SORCS3: variants seen among roughly 807,000 people sequenced by gnomAD.
SORCS3 encodes the protein sortilin related VPS10 domain containing receptor 3, also known as VPS10 domain-containing receptor SorCS3.
SORCS3 carries 57 observed loss-of-function variants against 146.3 expected under a neutral mutation model. The observed-to-expected ratio is 0.39, with a 90% CI of 0.31 to 0.49. SORCS3 has a LOEUF of 0.49. Among genes scored for constraint, SORCS3 ranks in the 20% least tolerant of loss-of-function variants. The pLI is 0.92. For missense variants in SORCS3, 1,341 were observed against 1,575.5 expected, an observed-to-expected ratio of 0.85 and a Z score of 2.52; for synonymous variants, 653 against 618.5, an observed-to-expected ratio of 1.06 and a Z score of -0.83.
chr10:104,893,434 T>C (rs1181387725), intron 2 of SORCS3, among the ~76,000 whole-genome samples: 1 of 152,180 alleles, frequency 6.6e-6, no homozygotes, highest in Non-Finnish European at 1.5e-5. Flanking sequence ...CCACACTGTC[T>C]GCCTTGTCAG....
intron 1 of SORCS3, 104 bp downstream of exon 1, chr10:104,642,058 G>A: frequency 1.5e-6 from 2 of 1,323,380 alleles, no homozygotes; most frequent in Non-Finnish European, 2.0e-6. Context: ...GGTCGAGGCG[G>A]GGGACGCCTC....
At chr10:105,177,685 T>C (rs757169059) in intron 13 of SORCS3, among the ~76,000 whole-genome samples, 1 of 152,102 alleles carries the variant, frequency 6.6e-6, no homozygotes, top group Non-Finnish European at 1.5e-5. Context: ...TCCCTTTCCA[T>C]TGGGTCCACC....
intron 5 of SORCS3, among the ~76,000 whole-genome samples, chr10:105,063,212 T>G (rs1401654692): frequency 6.6e-6 from 1 of 152,224 alleles, no homozygotes; most frequent in African/African-American, 2.4e-5. Flanking sequence ...GTATAATGAC[T>G]AAGAATCCTT....
intron 1 of SORCS3, among the ~76,000 whole-genome samples, chr10:104,820,927 G>A (rs1270766274): frequency 6.6e-6 from 1 of 152,154 alleles, no homozygotes; most frequent in African/African-American, 2.4e-5. Flanking sequence ...TTAAATGGTG[G>A]GAGAAGTATT....
chr10:104,649,244 G>A (rs2015531190), intron 1 of SORCS3, among the ~76,000 whole-genome samples: 3 of 152,158 alleles, frequency 2.0e-5, no homozygotes, highest in African/African-American at 7.2e-5. Context: ...AGGTGCCTGG[G>A]TTCAAGTCCT....
intron 1 of SORCS3, among the ~76,000 whole-genome samples, chr10:104,659,367 A>G (rs1044589821): frequency 1.3e-5 from 2 of 152,254 alleles, no homozygotes; most frequent in Non-Finnish European, 2.9e-5. Flanking sequence ...TCATCCAGAT[A>G]GTAGAAACTC....
At chr10:104,774,922 G>C (rs1421253962) in intron 1 of SORCS3, among the ~76,000 whole-genome samples, 1 of 152,154 alleles carries the variant, frequency 6.6e-6, no homozygotes, top group Non-Finnish European at 1.5e-5. Context: ...ATTTAGGCTT[G>C]TTTTATGTTC....
At chr10:104,980,099 C>A (rs1190811898) in intron 4 of SORCS3, among the ~76,000 whole-genome samples, 1 of 152,196 alleles carries the variant, frequency 6.6e-6, no homozygotes, top group African/African-American at 2.4e-5. Context: ...GGATATAATG[C>A]ATTCAAAATA....
intron 3 of SORCS3, among the ~76,000 whole-genome samples, chr10:104,969,340 T>TGTGTGTGC (rs398014705): frequency 0.018 from 2,068 of 112,270 alleles, 30 homozygotes; most frequent in African/African-American, 0.04. Flanking sequence ...TGTGTGTGTG[T>TGTGTGTGC]GCGCGCGCGC....
intron 1 of SORCS3, among the ~76,000 whole-genome samples, chr10:104,653,705 G>A (rs970464867): frequency 1.3e-5 from 2 of 152,092 alleles, no homozygotes; most frequent in East Asian, 3.8e-4. Flanking sequence ...ATATTTATGC[G>A]ATACGTGAGA....
chr10:104,958,631 C>T (rs1194812273), intron 3 of SORCS3, among the ~76,000 whole-genome samples: 2 of 152,166 alleles, frequency 1.3e-5, no homozygotes, highest in Non-Finnish European at 1.5e-5. Flanking sequence ...GGAAAGTGAG[C>T]AGCCTTTGGA....
chr10:105,040,409 C>T (rs554851509), intron 4 of SORCS3, among the ~76,000 whole-genome samples: 19 of 152,272 alleles, frequency 1.2e-4, no homozygotes, highest in African/African-American at 3.4e-4. Context: ...TAAAGGTGCT[C>T]GTAGAGCTAA....
At chr10:105,260,924 A>G (rs1311499398) in intron 25 of SORCS3, among the ~76,000 whole-genome samples, 1 of 152,218 alleles carries the variant, frequency 6.6e-6, no homozygotes. Flanking sequence ...TCTAGAAGTG[A>G]TATTCTAAAA....
At chr10:105,072,012 C>T (rs1021081340) in intron 5 of SORCS3, among the ~76,000 whole-genome samples, 1 of 152,092 alleles carries the variant, frequency 6.6e-6, no homozygotes, top group Non-Finnish European at 1.5e-5. Flanking sequence ...GAAGAGCAGC[C>T]TCTGAATTCA....
intron 4 of SORCS3, among the ~76,000 whole-genome samples, chr10:104,994,764 G>A (rs942702352): frequency 7.2e-5 from 11 of 152,144 alleles, no homozygotes; most frequent in African/African-American, 2.4e-4. Flanking sequence ...ATTGATTTAT[G>A]TTGTATGTTT....
At chr10:104,804,555 C>T (rs1210793943) in intron 1 of SORCS3, among the ~76,000 whole-genome samples, 1 of 152,120 alleles carries the variant, frequency 6.6e-6, no homozygotes. Flanking sequence ...GATACAGAGG[C>T]CACGATAGAG....
At position 104,891,135 on chromosome 10, in the gene SORCS3, A is replaced by G. The variant is rs541077275; in HGVS notation, c.696-24698A>G. 5.3e-5 allele frequency among the ~76,000 whole-genome samples: 8 copies of G among 152,290 alleles called. No homozygotes were observed. The South Asian group carries it at 1.5e-3, about 28-fold the overall frequency. ...TTAGGGTTTACAAGTGTTTTGCCCCACTACTGAGGCGGGAAGTTTTCTGAG... is the reference window on the plus strand; with the variant it reads ...TTAGGGTTTACAAGTGTTTTGCCCCGCTACTGAGGCGGGAAGTTTTCTGAG... On this transcript the variant is annotated intron_variant, in intron 2 of 26. Coordinates refer to ENST00000369701, the MANE Select transcript of SORCS3 (RefSeq NM_014978.3).
At chr10:104,914,203 A>G (rs2018999895) in intron 2 of SORCS3, among the ~76,000 whole-genome samples, 1 of 152,128 alleles carries the variant, frequency 6.6e-6, no homozygotes, top group Admixed American at 6.5e-5. Flanking sequence ...CTTTCCTCTT[A>G]TGAAGGGAGT....
chr10:105,006,122 A>G (rs1209641480), intron 4 of SORCS3, among the ~76,000 whole-genome samples: 3 of 152,236 alleles, frequency 2.0e-5, no homozygotes, highest in South Asian at 2.1e-4. Context: ...TTGTATTTTT[A>G]GTAGAGACAG....
Sources: allele counts gnomAD v4.1 joint callset (sites outside exome capture counted in the v4.1 genomes callset), GRCh38; gene constraint gnomAD v4.1.1; transcripts MANE v1.5; gene names NCBI Gene and HGNC (gene_info 2026-07-23, HGNC 2026-07-21).